The following RAP1GDS1 variants were observed in gnomAD, a reference collection of about 807,000 sequenced individuals.
RAP1GDS1 encodes RAP1, GTP-GDP dissociation stimulator 1.
RAP1GDS1 carries 35 observed loss-of-function variants against 71.1 expected under a neutral mutation model. The observed-to-expected ratio is 0.49, with a 90% CI of 0.38 to 0.65. RAP1GDS1 has a LOEUF of 0.65. Ranked by LOEUF, RAP1GDS1 falls within the 30% of genes least tolerant of loss-of-function variation. The pLI is 0.00. For synonymous variants in RAP1GDS1, 229 were observed against 243.1 expected (o/e 0.94, Z 0.54); for missense variants, 663 against 706.1 (o/e 0.94, Z 0.69).
intron 2 of RAP1GDS1, among the ~76,000 whole-genome samples, chr4:98,334,319 T>C (rs1308406408): frequency 6.6e-6 from 1 of 151,980 alleles, no homozygotes; most frequent in Non-Finnish European, 1.5e-5. Context: ...AAAAAAAACC[T>C]CTTTTACCCT....
At chr4:98,344,915 C>G (rs1473204838) in intron 3 of RAP1GDS1, among the ~76,000 whole-genome samples, 1 of 152,152 alleles carries the variant, frequency 6.6e-6, no homozygotes, top group Non-Finnish European at 1.5e-5. Flanking sequence ...GCCTTGACCT[C>G]CCAGGGTCAA....
At position 98,348,401 on chromosome 4, in the gene RAP1GDS1, A is replaced by G. The variant is rs569001767; in HGVS notation, c.236-4075A>G. ...TTTGGGTTGGTTCCAAGTTTTTGCT[A>G]TTATGAATAGTGCCACAGTAAACAT... is the stretch of plus-strand genomic sequence containing the variant. On this transcript the variant is annotated intron_variant, in intron 3 of 14. Coordinates refer to ENST00000408927, the MANE Select transcript of RAP1GDS1 (RefSeq NM_001100427.2). Among the ~76,000 whole-genome samples the G allele has an allele frequency of 1.4e-4, 21 of 152,300 alleles. No homozygotes were observed. In the South Asian group the frequency reaches 3.5e-3, roughly 26 times the overall value.
At chr4:98,341,726 AATCT>A (rs1269846389) in intron 2 of RAP1GDS1, among the ~76,000 whole-genome samples, 9 of 151,950 alleles carry the variant, frequency 5.9e-5, no homozygotes, top group African/African-American at 1.5e-4. Context: ...AAAAAAAAAA[AATCT>A]TAGGTGTCAC....
At chr4:98,438,267 T>C (rs1751414386) in intron 14 of RAP1GDS1, among the ~76,000 whole-genome samples, 1 of 151,762 alleles carries the variant, frequency 6.6e-6, no homozygotes, top group Non-Finnish European at 1.5e-5. Context: ...TTTATTTTCT[T>C]TCATGTGCCA....
At chr4:98,313,553 C>T (rs1333055476) in intron 2 of RAP1GDS1, among the ~76,000 whole-genome samples, 2 of 152,058 alleles carry the variant, frequency 1.3e-5, no homozygotes, top group African/African-American at 4.8e-5. Context: ...ACACAAGAAG[C>T]TACAGTTGGG....
chr4:98,343,914 A>G (rs1340269919), intron 3 of RAP1GDS1, among the ~76,000 whole-genome samples: 2 of 152,230 alleles, frequency 1.3e-5, no homozygotes, highest in Non-Finnish European at 2.9e-5. Context: ...TTAAGCATAT[A>G]AGAAGGCCGT....
chr4:98,379,233 A>G, intron 5 of RAP1GDS1, 70 bp downstream of exon 5: 3 of 1,300,954 alleles, frequency 2.3e-6, no homozygotes, highest in Non-Finnish European at 3.0e-6. Context: ...ATAGTGCAAA[A>G]CAAAAATATT....
intron 1 of RAP1GDS1, among the ~76,000 whole-genome samples, chr4:98,269,195 A>AGC: frequency 8.3e-6 from 1 of 120,158 alleles, no homozygotes; most frequent in Non-Finnish European, 1.9e-5. Context: ...AAAAAAAAAA[A>AGC]GCCAAGGAAA....
intron 6 of RAP1GDS1, 42 bp downstream of exon 6, chr4:98,392,122 A>G (rs1290581479): frequency 1.9e-6 from 3 of 1,550,210 alleles, no homozygotes; most frequent in African/African-American, 1.4e-5. Context: ...TAACTTATTA[A>G]TGTGCTTACA....
intron 4 of RAP1GDS1, 60 bp downstream of exon 4, chr4:98,352,661 A>G: frequency 6.3e-7 from 1 of 1,576,802 alleles, no homozygotes; most frequent in Non-Finnish European, 8.6e-7. Context: ...ATTCAGACTA[A>G]TCTGCTTTTG....
intron 1 of RAP1GDS1, 116 bp from the exon 2 acceptor site, chr4:98,293,292 G>A (rs1578329975): frequency 3.0e-6 from 2 of 655,900 alleles, no homozygotes; most frequent in East Asian, 5.6e-5. Context: ...TGTACGTGGA[G>A]GTTAATTTGC....
chr4:98,408,322 G>A lies in RAP1GDS1; in HGVS notation c.763+3720G>A, dbSNP rs138586303. Among the ~76,000 whole-genome samples the A allele has an allele frequency of 9.1e-3, 1,387 of 151,950 alleles. 23 individuals are homozygous for A. Among genetic ancestry groups the A allele is most frequent in the African/African-American group, 0.032 (1,317 of 41,446 alleles). ...TTTTATTTTTATTTTTAGTAGACAC[G>A]GGGTTTCACCATGTTGCCCAGGCTG... On this transcript the variant is annotated intron_variant, in intron 7 of 14. Coordinates refer to ENST00000408927, the MANE Select transcript of RAP1GDS1 (RefSeq NM_001100427.2).
At chr4:98,353,643 C>T (rs1471405637) in intron 4 of RAP1GDS1, among the ~76,000 whole-genome samples, 4 of 152,092 alleles carry the variant, frequency 2.6e-5, no homozygotes, top group Non-Finnish European at 5.9e-5. Flanking sequence ...CTACAATAGC[C>T]ATAAGTATTG....
chr4:98,415,497 A>G (rs1228821837), intron 7 of RAP1GDS1, among the ~76,000 whole-genome samples: 1 of 152,212 alleles, frequency 6.6e-6, no homozygotes, highest in African/African-American at 2.4e-5. Flanking sequence ...TTTTTCTGCC[A>G]CGGTGCCAGC....
intron 1 of RAP1GDS1, among the ~76,000 whole-genome samples, chr4:98,277,773 C>A (rs1036717667): frequency 6.6e-6 from 1 of 152,168 alleles, no homozygotes; most frequent in African/African-American, 2.4e-5. Flanking sequence ...TTAGGTCATG[C>A]TACTACTCTT....
chr4:98,414,810 A>G (rs1747679913), intron 7 of RAP1GDS1, among the ~76,000 whole-genome samples: 1 of 151,988 alleles, frequency 6.6e-6, no homozygotes, highest in African/African-American at 2.4e-5. Context: ...CTTGGGTAGT[A>G]TGGCCATTTT....
Position 98,429,645 on chromosome 4 carries a change from G to A in RAP1GDS1, c.1441-4291G>A, listed in dbSNP as rs140925183. 2.8e-3 allele frequency among the ~76,000 whole-genome samples: 420 copies of A among 152,210 alleles called. 1 individual carries two copies. Among genetic ancestry groups the A allele is most frequent in the Non-Finnish European group, 4.2e-3 (287 of 68,018 alleles). On this transcript the variant is annotated intron_variant, in intron 12 of 14. Coordinates refer to ENST00000408927, the MANE Select transcript of RAP1GDS1 (RefSeq NM_001100427.2). ...ACCACCTGTTCCCCAGTAACCTATGGAAATAATTTTTTTTAATCACAAAAG... is the reference window on the plus strand; with the variant it reads ...ACCACCTGTTCCCCAGTAACCTATGAAAATAATTTTTTTTAATCACAAAAG...
At chr4:98,276,625 A>G (rs769355466) in intron 1 of RAP1GDS1, among the ~76,000 whole-genome samples, 28 of 152,188 alleles carry the variant, frequency 1.8e-4, no homozygotes, top group Middle Eastern at 3.4e-3. Context: ...TTAGAAATAC[A>G]TTTCTCTGCT....
chr4:98,338,441 G>A (rs546764295), intron 2 of RAP1GDS1, among the ~76,000 whole-genome samples: 1 of 152,278 alleles, frequency 6.6e-6, no homozygotes, highest in Admixed American at 6.5e-5. Context: ...ATCACCCAAA[G>A]CAGCATAGGG....
Sources: allele counts gnomAD v4.1 joint callset (sites outside exome capture counted in the v4.1 genomes callset), GRCh38; gene constraint gnomAD v4.1.1; transcripts MANE v1.5; gene names NCBI Gene and HGNC (gene_info 2026-07-23, HGNC 2026-07-21).